Variants in IL5RA observed in about 807,000 individuals in gnomAD.
The protein encoded by IL5RA is interleukin-5 receptor subunit alpha.
In IL5RA, 49 loss-of-function variants were observed where a neutral mutation model predicts 50.0. The observed-to-expected ratio is 0.98, with a 90% CI of 0.78 to 1.24. The LOEUF (loss-of-function observed/expected upper bound fraction) is 1.24, where lower values mean the gene tolerates loss of function less well. IL5RA is among the 50% of genes most tolerant of loss of function. The pLI, the probability that IL5RA is intolerant of heterozygous loss-of-function variation, is 0.00. For synonymous variants in IL5RA, 202 were observed against 174.0 expected (o/e 1.16, Z -1.26); for missense variants, 600 against 500.4 (o/e 1.20, Z -1.90).
chr3:3,086,679 A>T (rs1702875650), intron 9 of IL5RA, among the ~76,000 whole-genome samples: 1 of 152,124 alleles, frequency 6.6e-6, no homozygotes, highest in South Asian at 2.1e-4. Context: ...TTAAAAAAAA[A>T]TTCTGAATCA....
At chr3:3,099,539 G>A (rs1483027226) in intron 5 of IL5RA, among the ~76,000 whole-genome samples, 1 of 151,948 alleles carries the variant, frequency 6.6e-6, no homozygotes, top group Non-Finnish European at 1.5e-5. Flanking sequence ...TGAGGTGGGA[G>A]GATCACTTGA....
chr3:3,077,819 A>G (rs1249021303), intron 9 of IL5RA, among the ~76,000 whole-genome samples: 1 of 152,110 alleles, frequency 6.6e-6, no homozygotes, highest in Non-Finnish European at 1.5e-5. Context: ...CCATTTACCA[A>G]ATAGTGTTTA....
rs552977587 is a variant in IL5RA, at chr3:3,095,315, C to A, written c.839G>T (p.Arg280Met). Residue 280 changes from arginine to methionine, a missense_variant, in exon 8 of 12, where the codon AGG (arginine) becomes ATG (methionine). Arg to Met is a moderately conservative substitution (Grantham distance 91, BLOSUM62 -1). Coordinates refer to ENST00000446632, the MANE Select transcript of IL5RA (RefSeq NM_175726.4). ...AGTAATTACCTGCAAATATCCATTC[C>A]TTGTATTGTGTATTTTTACTTCATA... ...FDYEVKIHNT[R>M]NGYLQIEKLM... is the part of the protein sequence containing the mutation. 6.3e-7 allele frequency: 1 copy of A among 1,599,230 alleles called. No individual in the cohort carries two copies. The highest frequency in any genetic ancestry group is 1.3e-5 in the African/African-American group (1 of 74,722).
chr3:3,085,813 C>G (rs893008901), intron 9 of IL5RA, among the ~76,000 whole-genome samples: 1 of 152,114 alleles, frequency 6.6e-6, no homozygotes, highest in Non-Finnish European at 1.5e-5. Flanking sequence ...CTCTGAGACC[C>G]CCACTCCACC....
chr3:3,096,048 GC>G (rs1703348361), intron 7 of IL5RA, among the ~76,000 whole-genome samples: 1 of 152,162 alleles, frequency 6.6e-6, no homozygotes, highest in African/African-American at 2.4e-5. Context: ...GGAGGCCGAG[GC>G]GGGTGGATCA....
At chr3:3,089,811 A>G (rs1474383552) in intron 9 of IL5RA, among the ~76,000 whole-genome samples, 1 of 152,040 alleles carries the variant, frequency 6.6e-6, no homozygotes, top group Admixed American at 6.6e-5. Flanking sequence ...TTTAGTAGAG[A>G]CAAGTTTCAC....
rs114751710 is a variant in IL5RA at position 3,071,465 on chromosome 3, A to G, written c.1177-1154T>C. ...TCTTGTCTCTATAAAAATTGTCTAA[A>G]TAAGTAAATTATCAGAAAATTCAGG... On this transcript the variant is annotated intron_variant, in intron 11 of 11. Coordinates refer to ENST00000446632, the MANE Select transcript of IL5RA (RefSeq NM_175726.4). 2.3e-3 allele frequency among the ~76,000 whole-genome samples: 353 copies of G among 152,348 alleles called. 1 individual carries two copies. Among genetic ancestry groups the G allele is most frequent in the African/African-American group, 8.0e-3 (333 of 41,576 alleles).
intron 2 of IL5RA, chr3:3,105,633 C>G (rs112886289): frequency 3.5e-5 from 5 of 143,222 alleles, no homozygotes; most frequent in African/African-American, 5.2e-5. Context: ...TTCCCCCCCC[C>G]ACCCCGCAAA....
intron 5 of IL5RA, among the ~76,000 whole-genome samples, chr3:3,099,546 T>C (rs888449263): frequency 4.6e-5 from 7 of 151,960 alleles, no homozygotes; most frequent in African/African-American, 9.7e-5. Context: ...GGAGGATCAC[T>C]TGAGCTGGGG....
intron 4 of IL5RA, 117 bp from the exon 5 acceptor site, chr3:3,101,947 T>C: frequency 3.2e-6 from 3 of 935,002 alleles, no homozygotes; most frequent in East Asian, 2.7e-5. Flanking sequence ...TGCAATGAAA[T>C]AGTTTTGCTA....
chr3:3,093,412 C>G (rs9878294), intron 8 of IL5RA, among the ~76,000 whole-genome samples: 92,839 of 152,128 alleles, frequency 0.61, 29,160 homozygotes, highest in South Asian at 0.81. Flanking sequence ...TTGACATTGC[C>G]ATGATATCCA....
intron 9 of IL5RA, among the ~76,000 whole-genome samples, chr3:3,084,888 C>A (rs989753090): frequency 1.3e-5 from 2 of 152,262 alleles, no homozygotes; most frequent in Non-Finnish European, 2.9e-5. Flanking sequence ...CCCCTGACAG[C>A]ATCCCTCCCT....
At chr3:3,083,328 G>T (rs1009481283) in intron 9 of IL5RA, among the ~76,000 whole-genome samples, 1 of 152,220 alleles carries the variant, frequency 6.6e-6, no homozygotes, top group African/African-American at 2.4e-5. Flanking sequence ...GAGTAGTGAA[G>T]GACCCGGATC....
chr3:3,075,850 GT>G (rs1702462071), intron 10 of IL5RA, among the ~76,000 whole-genome samples: 1 of 151,748 alleles, frequency 6.6e-6, no homozygotes, highest in East Asian at 1.9e-4. Context: ...TCCACCCGCT[GT>G]GGCCTCCCAA....
At position 3,069,121 on chromosome 3, in the gene IL5RA, C is replaced by T. The variant is rs1009580374; in HGVS notation, c.*1104G>A. ...CTTTCTAGGCCTTCAGCTTCTTGACCAAGGGCCATGTGGAATCAGCACTGT... is the reference window on the plus strand; with the variant it reads ...CTTTCTAGGCCTTCAGCTTCTTGACTAAGGGCCATGTGGAATCAGCACTGT... On this transcript the variant is annotated 3_prime_UTR_variant, in exon 12 of 12. Coordinates refer to ENST00000446632, the MANE Select transcript of IL5RA (RefSeq NM_175726.4). The T allele has an allele frequency of 2.0e-5, 3 of 152,212 alleles. No homozygotes were observed. The highest frequency in any genetic ancestry group is 7.2e-5 in the African/African-American group (3 of 41,428). 9.4% of individuals were successfully genotyped at this position (152,212 alleles called of 1,614,324 possible). A position where few individuals can be genotyped will look rare whatever the true frequency, so the allele number is the denominator to read the frequency against.
In IL5RA at chr3:3,092,175, T is replaced by G; in HGVS notation, c.994+49A>C. 1.3e-6 allele frequency: 2 copies of G among 1,596,584 alleles called. No individual in the cohort carries two copies. The highest frequency in any genetic ancestry group is 1.7e-6 in the Non-Finnish European group (2 of 1,172,524). On this transcript the variant is annotated intron_variant, in intron 9 of 11. Transcript: ENST00000446632. The surrounding 1 kb of genome is among the most constrained non-coding windows in gnomAD (Gnocchi z 4.2). ...CGGGTACGTTTCTGGGATTACCTTT[T>G]TTGATCACAAGGAAGGCTGCCAATG...
chr3:3,071,899 C>T (rs1293647782), intron 11 of IL5RA, among the ~76,000 whole-genome samples: 2 of 152,122 alleles, frequency 1.3e-5, no homozygotes, highest in Non-Finnish European at 1.5e-5. Context: ...CCTTCACTGA[C>T]GTCCAAATTT....
intron 9 of IL5RA, among the ~76,000 whole-genome samples, chr3:3,090,712 GC>G (rs1420205193): frequency 1.3e-4 from 20 of 151,508 alleles, no homozygotes; most frequent in Middle Eastern, 3.4e-3. Flanking sequence ...GACTACAGGC[GC>G]CCGCCACCAC....
intron 10 of IL5RA, among the ~76,000 whole-genome samples, chr3:3,076,281 G>A (rs959185862): frequency 2.0e-5 from 3 of 151,716 alleles, no homozygotes; most frequent in Non-Finnish European, 2.9e-5. Flanking sequence ...AAAAGCTGTC[G>A]ACAACTTCAG....
Sources: allele counts gnomAD v4.1 joint callset (sites outside exome capture counted in the v4.1 genomes callset), GRCh38; gene constraint gnomAD v4.1.1; non-coding constraint Gnocchi (gnomAD v3.1); transcripts MANE v1.5; gene names NCBI Gene and HGNC (gene_info 2026-07-23, HGNC 2026-07-21).